The following OLFML1 variants were observed in gnomAD, a reference collection of about 807,000 sequenced individuals.
The protein encoded by OLFML1 is olfactomedin like 1.
In OLFML1, 33 loss-of-function variants were observed where a neutral mutation model predicts 37.3. The ratio of observed to expected loss-of-function variants is 0.88; its 90% CI spans 0.67 to 1.18. OLFML1 has a LOEUF of 1.18. Ranked by LOEUF, OLFML1 falls within the 50% of genes most tolerant of loss-of-function variation. The pLI, the probability that OLFML1 is intolerant of heterozygous loss-of-function variation, is 0.00. For synonymous variants in OLFML1, 186 were observed against 181.3 expected (o/e 1.03, Z -0.21); for missense variants, 545 against 483.7 (o/e 1.13, Z -1.19).
At position 7,491,892 on chromosome 11, in the gene OLFML1, G is replaced by A. The variant is rs542622390; in HGVS notation, c.418+3477G>A. Among the ~76,000 whole-genome samples the A allele has an allele frequency of 6.6e-5, 10 of 152,252 alleles. No homozygotes were observed. In the East Asian group the frequency reaches 7.7e-4, roughly 12 times the overall value. On this transcript the variant is annotated intron_variant, in intron 2 of 2. Coordinates refer to ENST00000329293, the MANE Select transcript of OLFML1 (RefSeq NM_198474.4). ...TGGAGAGTGCTTCTCTTTAGGAAGC[G>A]CCTAGTCCCTCTTTTCAGGGCTTTT...
chr11:7,498,070 A>G (rs531641643), intron 2 of OLFML1, among the ~76,000 whole-genome samples: 2 of 152,318 alleles, frequency 1.3e-5, no homozygotes, highest in South Asian at 4.1e-4. Flanking sequence ...TTGGTTTCTG[A>G]GTTTGGAGAG....
intron 2 of OLFML1, among the ~76,000 whole-genome samples, chr11:7,505,936 A>C (rs1398756848): frequency 1.3e-5 from 2 of 152,262 alleles, no homozygotes; most frequent in African/African-American, 4.8e-5. Flanking sequence ...TCAAGGAGGA[A>C]GAACTGACCA....
chr11:7,488,107 A>C lies in OLFML1; in HGVS notation c.130-20A>C, dbSNP rs1162432170. On this transcript the variant is annotated intron_variant, in intron 1 of 2. Transcript: ENST00000329293. Reference sequence around the variant, plus strand: ...TTTAAATAACAAGCAATAATTTGCAAATTTATTTTCTGACTGAAGCAAGGG... The same window carrying C: ...TTTAAATAACAAGCAATAATTTGCACATTTATTTTCTGACTGAAGCAAGGG... The C allele has an allele frequency of 9.5e-6, 15 of 1,578,784 alleles. No homozygotes were observed. The highest frequency in any genetic ancestry group is 1.3e-5 in the Non-Finnish European group (15 of 1,159,230).
intron 2 of OLFML1, among the ~76,000 whole-genome samples, chr11:7,494,703 C>G (rs1848640138): frequency 6.6e-6 from 1 of 152,112 alleles, no homozygotes; most frequent in African/African-American, 2.4e-5. Flanking sequence ...GCTGAGGGGG[C>G]ACAGAAGAGA....
At chr11:7,487,553 T>C (rs78561576) in intron 1 of OLFML1, among the ~76,000 whole-genome samples, 7,165 of 152,342 alleles carry the variant, frequency 0.047, 252 homozygotes, top group Non-Finnish European at 0.076. Flanking sequence ...TGAATAGTAT[T>C]ATGTGCTTGG....
Position 7,510,424 on chromosome 11 carries a change from C to G in OLFML1, c.*236C>G. 1 of 468,082 alleles carries G rather than the reference C, an allele frequency of 2.1e-6. No individual in the cohort carries two copies. The allele number at this position is 468,082 out of a possible 1,614,324, so 29.0% of individuals were successfully genotyped here. On this transcript the variant is annotated 3_prime_UTR_variant, in exon 3 of 3. Transcript: ENST00000329293. ...CAATGTCCATTACTCCCCCAAACCT[C>G]CTGGCTCTCAAGGATGACCACATTC... is the stretch of plus-strand genomic sequence containing the variant.
At chr11:7,496,056 T>C (rs1015301543) in intron 2 of OLFML1, among the ~76,000 whole-genome samples, 1 of 152,226 alleles carries the variant, frequency 6.6e-6, no homozygotes, top group Admixed American at 6.5e-5. Flanking sequence ...CAGGGGTCCA[T>C]AGGGTGGCTG....
intron 2 of OLFML1, among the ~76,000 whole-genome samples, chr11:7,504,109 C>T (rs1323973114): frequency 6.6e-6 from 1 of 151,990 alleles, no homozygotes; most frequent in Non-Finnish European, 1.5e-5. Context: ...AAGAGGGTTG[C>T]CTTTTTTATA....
Position 7,510,061 on chromosome 11 carries a change from T to G in OLFML1, c.1082T>G (p.Phe361Cys), listed in dbSNP as rs776403995. ...ISEEDLPNLF[F>C]PKRPRSHSMI... ...GAGGAGGACTTGCCCAACTTGTTCT[T>G]CCCCAAGAGACCAAGAAGTCACTCC... Residue 361 changes from phenylalanine to cysteine, a missense_variant, in exon 3 of 3, where the codon TTC becomes TGC. Transcript: ENST00000329293. 2 of 1,614,148 alleles carry G rather than the reference T, an allele frequency of 1.2e-6. No homozygotes were observed. The highest frequency in any genetic ancestry group is 1.7e-6 in the Non-Finnish European group (2 of 1,180,016).
In OLFML1 at chr11:7,485,804, C is replaced by T; in HGVS notation, c.-72C>T. On this transcript the variant is annotated 5_prime_UTR_variant, in exon 1 of 3. Transcript: ENST00000329293. ...CAGCAGCGGATAGAGCAGGAGAGCA[C>T]CACCGGAGCCCTTGAGACATCCTTG... is the stretch of plus-strand genomic sequence containing the variant. 2 of 1,502,398 alleles carry T rather than the reference C, an allele frequency of 1.3e-6. No homozygotes were observed. The highest frequency in any genetic ancestry group is 2.4e-5 in the South Asian group (2 of 82,776). The allele number at this position is 1,502,398 out of a possible 1,614,324, so 93.1% of individuals were successfully genotyped here.
chr11:7,491,473 A>C (rs1385879110), intron 2 of OLFML1, among the ~76,000 whole-genome samples: 1 of 124,136 alleles, frequency 8.1e-6, no homozygotes, highest in African/African-American at 3.3e-5. Context: ...AGCTTAGTTT[A>C]GGGGAAGACA....
At chr11:7,498,597 C>T (rs1378577000) in intron 2 of OLFML1, among the ~76,000 whole-genome samples, 2 of 152,184 alleles carry the variant, frequency 1.3e-5, no homozygotes, top group African/African-American at 2.4e-5. Context: ...CAGTGCCTAC[C>T]GTCCTACCTA....
intron 2 of OLFML1, among the ~76,000 whole-genome samples, chr11:7,498,246 G>A (rs983870258): frequency 1.2e-4 from 19 of 152,234 alleles, no homozygotes; most frequent in African/African-American, 4.6e-4. Flanking sequence ...AGATGAGAAT[G>A]ACCATCTAAC....
chr11:7,491,869 G>A (rs1848602300), intron 2 of OLFML1, among the ~76,000 whole-genome samples: 1 of 152,188 alleles, frequency 6.6e-6, no homozygotes, highest in Non-Finnish European at 1.5e-5. Flanking sequence ...CAAGTAGATG[G>A]AGAGTGCTTC....
intron 2 of OLFML1, among the ~76,000 whole-genome samples, chr11:7,492,148 G>A (rs2134177456): frequency 6.6e-6 from 1 of 152,284 alleles, no homozygotes; most frequent in South Asian, 2.1e-4. Flanking sequence ...TAAGAAATCT[G>A]CCTATCACAA....
At position 7,485,695 on chromosome 11, in the gene OLFML1, G is replaced by A. The variant is rs1848511819; in HGVS notation, c.-181G>A. On this transcript the variant is annotated 5_prime_UTR_variant, in exon 1 of 3. Transcript: ENST00000329293. The stretch of plus-strand genomic sequence containing the variant: ...AACAGCTGGACTTGATCACTAGCTG[G>A]CAAACTGAGCTCACGTATCGGGTGG... 3.1e-6 allele frequency: 2 copies of A among 639,272 alleles called. No homozygotes were observed. The highest frequency in any genetic ancestry group is 1.8e-5 in the African/African-American group (1 of 54,950). The allele number at this position is 639,272 out of a possible 1,614,324, so 39.6% of individuals were successfully genotyped here. A position where few individuals can be genotyped will look rare whatever the true frequency, so the allele number is the denominator to read the frequency against.
intron 2 of OLFML1, among the ~76,000 whole-genome samples, chr11:7,502,475 T>G (rs556949615): frequency 1.7e-4 from 26 of 152,282 alleles, no homozygotes; most frequent in African/African-American, 5.8e-4. Context: ...GGAGACAAAG[T>G]AGAGACTATT....
chr11:7,499,317 T>G (rs1173495069), intron 2 of OLFML1, among the ~76,000 whole-genome samples: 1 of 152,158 alleles, frequency 6.6e-6, no homozygotes, highest in Non-Finnish European at 1.5e-5. Flanking sequence ...GTTAAAAAAA[T>G]TTGCATCTTG....
intron 2 of OLFML1, among the ~76,000 whole-genome samples, chr11:7,495,754 A>T (rs939170765): frequency 3.3e-5 from 5 of 152,220 alleles, no homozygotes; most frequent in Non-Finnish European, 5.9e-5. Context: ...CTTAAATCTG[A>T]TGTCTTGTCT....
Sources: allele counts gnomAD v4.1 joint callset (sites outside exome capture counted in the v4.1 genomes callset), GRCh38; gene constraint gnomAD v4.1.1; transcripts MANE v1.5; gene names NCBI Gene and HGNC (gene_info 2026-07-23, HGNC 2026-07-21).